Variants in CDH8 observed in about 807,000 individuals in gnomAD.
CDH8 encodes the protein cadherin 8.
A neutral mutation model predicts 68.1 loss-of-function variants in CDH8; 17 were observed. That is an observed-to-expected ratio of 0.25 (90% CI 0.17 to 0.37). The LOEUF is 0.37. CDH8 is among the 10% of genes least tolerant of loss of function. CDH8 has a pLI of 1.00. For synonymous variants in CDH8, 372 were observed against 365.1 expected, an observed-to-expected ratio of 1.02 and a Z score of -0.21; for missense variants, 763 against 999.3, an observed-to-expected ratio of 0.76 and a Z score of 3.19.
chr16:61,789,523 A>G (rs1258536548), intron 7 of CDH8, 41 bp from the exon 8 acceptor site: 2 of 1,596,812 alleles, frequency 1.3e-6, no homozygotes, highest in Non-Finnish European at 1.7e-6. Flanking sequence ...CAATGTTTAT[A>G]TGATCCATAC....
intron 10 of CDH8, among the ~76,000 whole-genome samples, chr16:61,702,350 C>T (rs547315704): frequency 6.7e-6 from 1 of 148,220 alleles, no homozygotes; most frequent in Non-Finnish European, 1.5e-5. Flanking sequence ...CCAGCCTGGG[C>T]GACAGAGCGA....
At chr16:61,858,827 T>A (rs1188256750) in intron 3 of CDH8, among the ~76,000 whole-genome samples, 1 of 152,120 alleles carries the variant, frequency 6.6e-6, no homozygotes, top group Non-Finnish European at 1.5e-5. Flanking sequence ...GCATGCAAGA[T>A]GCCCCCTGAG....
chr16:62,013,261 C>CAAAAAAAAAAA (rs1165564723), intron 2 of CDH8, among the ~76,000 whole-genome samples: 2 of 6,408 alleles, frequency 3.1e-4, no homozygotes, highest in Non-Finnish European at 2.5e-4. Context: ...GACTCCGTCT[C>CAAAAAAAAAAA]AAAAAAAAAA....
At chr16:61,831,114 CT>C (rs1425373263) in intron 4 of CDH8, among the ~76,000 whole-genome samples, 1 of 151,698 alleles carries the variant, frequency 6.6e-6, no homozygotes, top group African/African-American at 2.4e-5. Flanking sequence ...GTCTCAGTAG[CT>C]TAAGTTGCAT....
At chr16:61,842,054 A>ATTTTT (rs543607290) in intron 4 of CDH8, among the ~76,000 whole-genome samples, 1 of 132,426 alleles carries the variant, frequency 7.6e-6, no homozygotes. Context: ...CGCCCGGCTA[A>ATTTTT]TTTTTTTTTT....
At chr16:62,028,821 T>C (rs1351435866) in intron 1 of CDH8, among the ~76,000 whole-genome samples, 3 of 151,964 alleles carry the variant, frequency 2.0e-5, no homozygotes, top group Non-Finnish European at 4.4e-5. Flanking sequence ...ATTTCTCGAG[T>C]CTAATCTAAA....
chr16:61,856,014 C>T (rs912372735), intron 4 of CDH8, among the ~76,000 whole-genome samples: 1 of 151,994 alleles, frequency 6.6e-6, no homozygotes, highest in African/African-American at 2.4e-5. Flanking sequence ...ACGCCCTGAC[C>T]TATTTATATA....
chr16:61,788,200 G>GA (rs917423599), intron 8 of CDH8, among the ~76,000 whole-genome samples: 8 of 151,616 alleles, frequency 5.3e-5, no homozygotes, highest in Non-Finnish European at 8.8e-5. Context: ...CACAAAACCA[G>GA]AAAAAACATT....
chr16:61,676,439 G>A (rs934163668), intron 10 of CDH8, among the ~76,000 whole-genome samples: 3 of 151,906 alleles, frequency 2.0e-5, no homozygotes, highest in African/African-American at 7.2e-5. Flanking sequence ...ACTTAGTGGT[G>A]CTTCTGATAG....
chr16:61,766,796 T>C (rs1360103644), intron 8 of CDH8, among the ~76,000 whole-genome samples: 3 of 151,978 alleles, frequency 2.0e-5, no homozygotes, highest in Non-Finnish European at 2.9e-5. Flanking sequence ...TATCTATTCA[T>C]CGTAATATTA....
intron 2 of CDH8, among the ~76,000 whole-genome samples, chr16:62,010,713 C>T (rs1049365803): frequency 1.3e-5 from 2 of 151,906 alleles, no homozygotes; most frequent in Admixed American, 6.6e-5. Context: ...CCAAGATGGG[C>T]GAATCACCTG....
intron 3 of CDH8, among the ~76,000 whole-genome samples, chr16:61,862,795 G>A (rs1235762416): frequency 6.6e-6 from 1 of 152,192 alleles, no homozygotes; most frequent in African/African-American, 2.4e-5. Context: ...ATTGAAATGT[G>A]TAAACCTTGC....
chr16:61,749,966 T>G (rs1960117041), intron 8 of CDH8, among the ~76,000 whole-genome samples: 4 of 152,052 alleles, frequency 2.6e-5, no homozygotes, highest in Non-Finnish European at 5.9e-5. Flanking sequence ...CCTGGGTATA[T>G]TTTGTGATGC....
intron 3 of CDH8, among the ~76,000 whole-genome samples, chr16:61,870,983 C>T (rs1355266): frequency 0.54 from 82,141 of 151,952 alleles, 24,614 homozygotes; most frequent in African/African-American, 0.82. Context: ...AAATCACTTT[C>T]AGATTTCCAA....
chr16:61,889,515 T>C (rs1012877796), intron 3 of CDH8, among the ~76,000 whole-genome samples: 1 of 152,142 alleles, frequency 6.6e-6, no homozygotes, highest in African/African-American at 2.4e-5. Flanking sequence ...TTGACAAAGG[T>C]GTCCCACATT....
At chr16:61,919,325 G>T (rs1315671977) in intron 2 of CDH8, among the ~76,000 whole-genome samples, 1 of 148,468 alleles carries the variant, frequency 6.7e-6, no homozygotes, top group Non-Finnish European at 1.5e-5. Flanking sequence ...GAATGACTTT[G>T]ACAAGCTGAG....
chr16:61,844,301 G>C (rs944602327), intron 4 of CDH8, among the ~76,000 whole-genome samples: 2 of 148,024 alleles, frequency 1.4e-5, no homozygotes, highest in Non-Finnish European at 3.0e-5. Context: ...GGGGAGGGAG[G>C]GATAGCATTA....
In CDH8 at chr16:61,960,368, CAT is replaced by C. The variant is rs1265565098; in HGVS notation, c.253-58897_253-58896del. Among the ~76,000 whole-genome samples, 41 of 97,888 alleles carry C rather than the reference CAT, an allele frequency of 4.2e-4. 11 individuals are homozygous for C. Among genetic ancestry groups the C allele is most frequent in the East Asian group, 1.3e-3 (4 of 3,196 alleles). The allele number at this position is 97,888 out of a possible 152,430, so 64.2% of individuals were successfully genotyped here. Reference sequence around the variant, plus strand: ...ATACATGTGTGTGTGTATACACATACATATATACATGTGTGTGTGTATACACA... The same window carrying C: ...ATACATGTGTGTGTGTATACACATACATATACATGTGTGTGTGTATACACA... On this transcript the variant is annotated intron_variant, in intron 2 of 11. Transcript: ENST00000577390.
chr16:61,675,039 AAAT>A lies in CDH8; in HGVS notation c.1655-19321_1655-19319del, dbSNP rs147069025. Among the ~76,000 whole-genome samples, 106 of 152,210 alleles carry A rather than the reference AAAT, an allele frequency of 7.0e-4. 2 individuals carry two copies. Among genetic ancestry groups the A allele is most frequent in the African/African-American group, 2.5e-3 (102 of 41,570 alleles). Reference sequence around the variant, plus strand: ...GAAGGGGAAAGAGGAGGCAGAAGATAAATAAAGAATGAATAAAATGAAAAGTTT... The same window carrying A: ...GAAGGGGAAAGAGGAGGCAGAAGATAAAAGAATGAATAAAATGAAAAGTTT... On this transcript the variant is annotated intron_variant, in intron 10 of 11. Transcript: ENST00000577390.
Sources: gnomAD v4.1 joint callset for allele counts (sites outside exome capture counted in the v4.1 genomes callset) on GRCh38, gnomAD v4.1.1 for gene constraint, MANE v1.5 for transcripts, NCBI Gene and HGNC (gene_info 2026-07-23, HGNC 2026-07-21) for gene names.